Variants in MAP7D2 observed in about 807,000 individuals in gnomAD.
MAP7D2 encodes the protein MAP7 domain-containing protein 2.
Under a neutral mutation model 63.5 loss-of-function variants are expected in MAP7D2, and 33 were observed. The observed-to-expected ratio is 0.52, with a 90% CI of 0.39 to 0.70. MAP7D2 has a LOEUF of 0.70. Ranked by LOEUF, MAP7D2 falls within the 30% of genes least tolerant of loss-of-function variation. The pLI, the probability that MAP7D2 is intolerant of heterozygous loss-of-function variation, is 0.00. For synonymous variants in MAP7D2, 224 were observed against 223.7 expected, an observed-to-expected ratio of 1.00 and a Z score of -0.01; for missense variants, 626 against 604.0, an observed-to-expected ratio of 1.04 and a Z score of -0.38.
intron 1 of MAP7D2, among the ~76,000 whole-genome samples, chrX:20,113,255 T>TC (rs1322224430): frequency 5.5e-5 from 6 of 109,590 alleles, no homozygotes; most frequent in East Asian, 2.8e-4. Flanking sequence ...TCTGAACACT[T>TC]TTTTTTTTAA....
At position 20,084,895 on chromosome X, in the gene MAP7D2, T is replaced by A. The variant is rs948598271; in HGVS notation, c.131-20090A>T. ...GCCAGTAGGGCTGTATCTAAACGCC[T>A]TATTAGTAGTGGTAAGGCTTTTAAT... On this transcript the variant is annotated intron_variant, in intron 1 of 16. Coordinates refer to ENST00000379643, the MANE Select transcript of MAP7D2 (RefSeq NM_001168465.2). Among the ~76,000 whole-genome samples, 6 of 111,383 alleles carry A rather than the reference T, an allele frequency of 5.4e-5. No individual in the cohort carries two copies. In the East Asian group the frequency reaches 1.7e-3, roughly 31 times the overall value.
At chrX:20,044,223 G>C (rs2064734166) in intron 7 of MAP7D2, 141 bp downstream of exon 7, 1 of 644,331 alleles carries the variant, frequency 1.6e-6, no homozygotes, top group Non-Finnish European at 2.4e-6. Context: ...GTAAAATTTT[G>C]AACTAAATCT....
chrX:20,045,034 G>A (rs1406934867), intron 6 of MAP7D2, among the ~76,000 whole-genome samples: 1 of 111,286 alleles, frequency 9.0e-6, no homozygotes, highest in Non-Finnish European at 1.9e-5. Context: ...GTATGTGCCT[G>A]GGAGGGGATG....
At position 20,110,662 on chromosome X, in the gene MAP7D2, CAAAAAAAAAAAA is replaced by C. The variant is rs1282020261; in HGVS notation, c.130+6076_130+6087del. Among the ~76,000 whole-genome samples, 3 of 33,060 alleles carry C rather than the reference CAAAAAAAAAAAA, an allele frequency of 9.1e-5. No individual in the cohort carries two copies. The South Asian group carries it at 5.0e-3, about 55-fold the overall frequency. The allele number at this position is 33,060 out of a possible 115,157, so 28.7% of individuals were successfully genotyped here. A position where few individuals can be genotyped will look rare whatever the true frequency, so the allele number is the denominator to read the frequency against. ...TGGGTGACAAAGTGAGACTCTGTCTCAAAAAAAAAAAAAAAAAAAAAGTATAAGGGAGGATGT... is the reference window on the plus strand; with the variant it reads ...TGGGTGACAAAGTGAGACTCTGTCTCAAAAAAAAAGTATAAGGGAGGATGT... On this transcript the variant is annotated intron_variant, in intron 1 of 16. Transcript: ENST00000379643.
intron 1 of MAP7D2, among the ~76,000 whole-genome samples, chrX:20,082,433 T>C (rs1488205512): frequency 2.7e-5 from 3 of 111,455 alleles, no homozygotes; most frequent in African/African-American, 9.8e-5. Flanking sequence ...TTAAAAATGA[T>C]TTTGAAAGTT....
At chrX:20,096,923 A>G (rs961140080) in intron 1 of MAP7D2, among the ~76,000 whole-genome samples, 1 of 112,389 alleles carries the variant, frequency 8.9e-6, no homozygotes, top group Non-Finnish European at 1.9e-5. Flanking sequence ...AAGAAGGTTA[A>G]AATATTTTAA....
intron 1 of MAP7D2, among the ~76,000 whole-genome samples, chrX:20,082,883 CT>C (rs1237141823): frequency 6.3e-5 from 7 of 111,974 alleles, no homozygotes; most frequent in African/African-American, 2.0e-4. Flanking sequence ...CCACCTTGGC[CT>C]CCCAAAGTGC....
chrX:20,095,209 G>T (rs2148507814), intron 1 of MAP7D2, among the ~76,000 whole-genome samples: 1 of 111,419 alleles, frequency 9.0e-6, no homozygotes, highest in East Asian at 2.8e-4. Context: ...TGATTTTAAG[G>T]TTTTGTTTGT....
At chrX:20,025,161 A>G in intron 9 of MAP7D2, 78 bp from the exon 10 acceptor site, 1 of 1,096,628 alleles carries the variant, frequency 9.1e-7, no homozygotes, top group Non-Finnish European at 1.2e-6. Context: ...AGCAGCTGCC[A>G]GTTGGAAGTG....
chrX:20,055,889 G>T, intron 4 of MAP7D2: 1 of 588,020 alleles, frequency 1.7e-6, no homozygotes, highest in Non-Finnish European at 2.4e-6. Context: ...CCAATTTCTT[G>T]TTGCTTCTTA....
chrX:20,114,002 T>C (rs1464295619), intron 1 of MAP7D2, among the ~76,000 whole-genome samples: 2 of 111,641 alleles, frequency 1.8e-5, no homozygotes, highest in African/African-American at 6.5e-5. Context: ...CAGTCTCCAA[T>C]AACCACCTAC....
chrX:20,012,996 A>G lies in MAP7D2; in HGVS notation c.1885+58T>C, dbSNP rs753870972. The G allele has an allele frequency of 9.5e-5, 96 of 1,008,428 alleles. No individual in the cohort carries two copies. The South Asian group carries it at 1.8e-3, about 19-fold the overall frequency. 83.1% of individuals were successfully genotyped at this position (1,008,428 alleles called of 1,213,427 possible). A position where few individuals can be genotyped will look rare whatever the true frequency, so the allele number is the denominator to read the frequency against. ...CCATGGGTCTGTTTACCCTACACCA[A>G]GTCTTACGAGCTTTTGCTACTAAAA... is the stretch of plus-strand genomic sequence containing the variant. On this transcript the variant is annotated intron_variant, in intron 14 of 16. Coordinates refer to ENST00000379643, the MANE Select transcript of MAP7D2 (RefSeq NM_001168465.2).
chrX:20,109,744 A>T (rs1035456242), intron 1 of MAP7D2, among the ~76,000 whole-genome samples: 1 of 111,378 alleles, frequency 9.0e-6, no homozygotes, highest in African/African-American at 3.3e-5. Flanking sequence ...CCAACCACAG[A>T]CTAAAAATAT....
intron 1 of MAP7D2, 24 bp downstream of exon 1, chrX:20,116,726 C>T (rs1391281004): frequency 4.4e-6 from 5 of 1,147,971 alleles, no homozygotes; most frequent in Non-Finnish European, 5.8e-6. Flanking sequence ...CCCTCGGGCG[C>T]CCGCCACACT....
At position 20,010,966 on chromosome X, in the gene MAP7D2, C is replaced by A; in HGVS notation, c.2159G>T (p.Gly720Val). ...MIPGVSLDQN[G>V]TGNARALQDL... Reference sequence around the variant, plus strand: ...TTGAAGTGCTCGGGCATTACCAGTTCCATTTTGGTCCAGAGACACCCCAGG... The same window carrying A: ...TTGAAGTGCTCGGGCATTACCAGTTACATTTTGGTCCAGAGACACCCCAGG... Residue 720 changes from glycine to valine, a missense_variant, in exon 16 of 17, where the codon GGA (glycine) becomes GTA (valine). Transcript: ENST00000379643. The A allele has an allele frequency of 1.7e-6, 2 of 1,210,863 alleles. No homozygotes were observed. The highest frequency in any genetic ancestry group is 1.1e-6 in the Non-Finnish European group (1 of 895,126).
At chrX:20,063,656 C>G (rs2065277870) in intron 2 of MAP7D2, 79 bp from the exon 3 acceptor site, 1 of 1,065,967 alleles carries the variant, frequency 9.4e-7, no homozygotes, top group Non-Finnish European at 1.3e-6. Flanking sequence ...AACAAGGAAG[C>G]AAGAGCAGAG....
rs540355333 is a variant in MAP7D2 at position 20,087,170 on chromosome X, C to G, written c.131-22365G>C. Among the ~76,000 whole-genome samples, 91 of 112,055 alleles carry G rather than the reference C, an allele frequency of 8.1e-4. 1 individual carries two copies. In the South Asian group the frequency reaches 0.032, roughly 39 times the overall value. On this transcript the variant is annotated intron_variant, in intron 1 of 16. Coordinates refer to ENST00000379643, the MANE Select transcript of MAP7D2 (RefSeq NM_001168465.2). ...ATGATTTACAAAGGAAAATATATTT[C>G]ACTTCACAACAGAAACCTGTAACAC... is the stretch of plus-strand genomic sequence containing the variant.
intron 12 of MAP7D2, 74 bp from the exon 13 acceptor site, chrX:20,013,699 A>G: frequency 7.2e-6 from 5 of 696,315 alleles, no homozygotes; most frequent in Non-Finnish European, 6.5e-6. Context: ...AGCTTGGTTT[A>G]CATGCAATGT....
At chrX:20,097,735 G>C (rs1220348537) in intron 1 of MAP7D2, among the ~76,000 whole-genome samples, 2 of 111,290 alleles carry the variant, frequency 1.8e-5, no homozygotes, top group Non-Finnish European at 1.9e-5. Flanking sequence ...CAAAGATAGA[G>C]GCCACTTCCA....
Sources: gnomAD v4.1 joint callset for allele counts (sites outside exome capture counted in the v4.1 genomes callset) on GRCh38, gnomAD v4.1.1 for gene constraint, MANE v1.5 for transcripts, NCBI Gene and HGNC (gene_info 2026-07-23, HGNC 2026-07-21) for gene names.